Variants in ACOX3 observed in about 807,000 individuals in gnomAD.
ACOX3 encodes the protein peroxisomal acyl-coenzyme A oxidase 3.
ACOX3 carries 73 observed loss-of-function variants against 81.5 expected under a neutral mutation model. The ratio of observed to expected loss-of-function variants is 0.90; its 90% CI spans 0.74 to 1.09. ACOX3 has a LOEUF of 1.09. Ranked by LOEUF, ACOX3 falls within the 50% of genes least tolerant of loss-of-function variation. ACOX3 has a pLI of 0.00. For missense variants in ACOX3, 947 were observed against 928.0 expected, an observed-to-expected ratio of 1.02 and a Z score of -0.27; for synonymous variants, 387 against 375.1, an observed-to-expected ratio of 1.03 and a Z score of -0.37.
intron 6 of ACOX3, among the ~76,000 whole-genome samples, chr4:8,408,891 T>TGGGGGGGGGGGGGGGGG (rs200811549): frequency 1.2e-4 from 3 of 25,790 alleles, no homozygotes; most frequent in Non-Finnish European, 1.2e-4. Context: ...GAGCCCTCAC[T>TGGGGGGGGGGGGGGGGG]GGGGGGGGGG....
intron 9 of ACOX3, among the ~76,000 whole-genome samples, chr4:8,396,161 C>A (rs907228912): frequency 6.6e-5 from 10 of 152,210 alleles, no homozygotes; most frequent in Non-Finnish European, 1.3e-4. Context: ...AGGGCCAACG[C>A]TCTGTGCCCA....
At position 8,372,214 on chromosome 4, in the gene ACOX3, C is replaced by G. The variant is rs370641581; in HGVS notation, c.1897-1220G>C. On this transcript the variant is annotated intron_variant, in intron 16 of 17. Coordinates refer to ENST00000356406, the MANE Select transcript of ACOX3 (RefSeq NM_003501.3). The stretch of plus-strand genomic sequence containing the variant: ...CTGGGCTCAAGCCACCCTACCTCAG[C>G]CTCTTGAGCAGCTGGGACTACAGGC... 2.4e-4 allele frequency among the ~76,000 whole-genome samples: 36 copies of G among 152,330 alleles called. No homozygotes were observed. In the South Asian group the frequency reaches 3.9e-3, roughly 17 times the overall value.
intron 1 of ACOX3, among the ~76,000 whole-genome samples, chr4:8,429,456 T>C (rs936067391): frequency 1.3e-5 from 2 of 152,202 alleles, no homozygotes; most frequent in African/African-American, 4.8e-5. Context: ...TACAAGGTGA[T>C]AGACGCGGGG....
At position 8,416,423 on chromosome 4, in the gene ACOX3, C is replaced by T; in HGVS notation, c.99G>A (p.Lys33=). 1 of 1,614,224 alleles carries T rather than the reference C, an allele frequency of 6.2e-7. No individual in the cohort carries two copies. The highest frequency in any genetic ancestry group is 8.5e-7 in the Non-Finnish European group (1 of 1,180,040). Residue 33 remains lysine (K), a synonymous_variant, in exon 2 of 18, where the codon AAG becomes AAA. Transcript: ENST00000356406. This position sits in a 1 kb window ranked among gnomAD's most constrained non-coding sequence, Gnocchi z 4.2. ...AYRARASFSW[K]ELALFTEGEG... The stretch of plus-strand genomic sequence containing the variant: ...CCCCTTCCGTGAACAGCGCCAGCTC[C>T]TTCCAGCTGAAGGACGCTCTTGCTC...
At chr4:8,383,517 C>G (rs927807951) in intron 13 of ACOX3, among the ~76,000 whole-genome samples, 2 of 152,158 alleles carry the variant, frequency 1.3e-5, no homozygotes, top group Non-Finnish European at 1.5e-5. Context: ...CATGATGCAC[C>G]CACAGCCAAG....
intron 14 of ACOX3, among the ~76,000 whole-genome samples, chr4:8,380,466 G>C (rs1717499977): frequency 6.6e-6 from 1 of 152,170 alleles, no homozygotes; most frequent in Non-Finnish European, 1.5e-5. Flanking sequence ...TGGGATTACA[G>C]GTGTGAGCCA....
Position 8,400,675 on chromosome 4 carries a change from A to C in ACOX3, c.777-1023T>G, listed in dbSNP as rs1002660431. On this transcript the variant is annotated intron_variant, in intron 7 of 17. Coordinates refer to ENST00000356406, the MANE Select transcript of ACOX3 (RefSeq NM_003501.3). This position sits in a 1 kb window ranked among gnomAD's most constrained non-coding sequence, Gnocchi z 4.4. Reference sequence around the variant, plus strand: ...TAAGAATATTACATAAACTGTGCAAAAACCCCCCAAAACAAACTTCAAAAT... The same window carrying C: ...TAAGAATATTACATAAACTGTGCAACAACCCCCCAAAACAAACTTCAAAAT... 5.3e-5 allele frequency among the ~76,000 whole-genome samples: 8 copies of C among 152,152 alleles called. No individual in the cohort carries two copies. The highest frequency in any genetic ancestry group is 1.9e-4 in the African/African-American group (8 of 41,428).
At chr4:8,376,050 C>T (rs1317701254) in intron 14 of ACOX3, among the ~76,000 whole-genome samples, 1 of 152,124 alleles carries the variant, frequency 6.6e-6, no homozygotes, top group Non-Finnish European at 1.5e-5. Flanking sequence ...ATCACTGGGT[C>T]AAGGGGAAGG....
intron 7 of ACOX3, among the ~76,000 whole-genome samples, chr4:8,403,554 C>T (rs1326678005): frequency 6.6e-6 from 1 of 152,212 alleles, no homozygotes; most frequent in Non-Finnish European, 1.5e-5. Flanking sequence ...GCTCTGGGGG[C>T]TCAGTGACCT....
chr4:8,382,996 A>AAG lies in ACOX3; in HGVS notation c.1538-1390_1538-1389insCT, dbSNP rs1717879030. Among the ~76,000 whole-genome samples the AAG allele has an allele frequency of 6.7e-6, 1 of 150,296 alleles. No individual in the cohort carries two copies. Among genetic ancestry groups the AAG allele is most frequent in the East Asian group, 1.9e-4 (1 of 5,166 alleles). Reference sequence around the variant, plus strand: ...ACAGAGCGAGACTCCGTCTCAAAAAAAAAAAAAAAAGAAAAGAAAATACCC... The same window carrying AAG: ...ACAGAGCGAGACTCCGTCTCAAAAAAAGAAAAAAAAAAGAAAAGAAAATACCC... On this transcript the variant is annotated intron_variant, in intron 13 of 17. Transcript: ENST00000356406. The surrounding 1 kb of genome is among the most constrained non-coding windows in gnomAD (Gnocchi z 4.1).
At chr4:8,426,967 G>A (rs760157113) in intron 1 of ACOX3, among the ~76,000 whole-genome samples, 11 of 152,218 alleles carry the variant, frequency 7.2e-5, no homozygotes, top group Admixed American at 1.3e-4. Context: ...CAGTTACAGC[G>A]GTCATCGGCC....
intron 13 of ACOX3, among the ~76,000 whole-genome samples, chr4:8,383,433 T>C (rs1717939030): frequency 6.6e-6 from 1 of 152,210 alleles, no homozygotes; most frequent in Non-Finnish European, 1.5e-5. Context: ...TGGACTAGGA[T>C]GGATTCTAAA....
intron 5 of ACOX3, among the ~76,000 whole-genome samples, chr4:8,410,853 A>T (rs1281480239): frequency 3.3e-5 from 5 of 152,256 alleles, no homozygotes; most frequent in Admixed American, 1.3e-4. Flanking sequence ...AAATGCCCCG[A>T]GCACAAGGCA....
chr4:8,390,119 A>AC (rs1718807789), intron 11 of ACOX3, among the ~76,000 whole-genome samples: 1 of 151,228 alleles, frequency 6.6e-6, no homozygotes, highest in Admixed American at 6.6e-5. Flanking sequence ...AACAACAACA[A>AC]AAAAAGCCAT....
chr4:8,374,002 A>G (rs909319809), intron 15 of ACOX3: 32 of 216,914 alleles, frequency 1.5e-4, no homozygotes, highest in African/African-American at 7.6e-4. Flanking sequence ...GCAGGGGTGC[A>G]TGGCAGGGGG....
Position 8,384,774 on chromosome 4 carries a change from GGCAAGCCCTGGAAA to G in ACOX3, c.1538-3181_1538-3168del, listed in dbSNP as rs1718103477. 1.3e-5 allele frequency among the ~76,000 whole-genome samples: 2 copies of G among 152,304 alleles called. No individual in the cohort carries two copies. The highest frequency in any genetic ancestry group is 4.8e-5 in the African/African-American group (2 of 41,570). On this transcript the variant is annotated intron_variant, in intron 13 of 17. Transcript: ENST00000356406. This position sits in a 1 kb window ranked among gnomAD's most constrained non-coding sequence, Gnocchi z 5.3. ...CACTCCTAACTCGGATTCTGACCCAGGCAAGCCCTGGAAAGCAAGGCCTGGACAGCGGCCCCAAC... is the reference window on the plus strand; with the variant it reads ...CACTCCTAACTCGGATTCTGACCCAGGCAAGGCCTGGACAGCGGCCCCAAC...
rs1398072562 is a variant in ACOX3, at chr4:8,389,540, G to A, written c.1423+72C>T. The A allele has an allele frequency of 6.2e-7, 1 of 1,602,418 alleles. No homozygotes were observed. The highest frequency in any genetic ancestry group is 2.2e-5 in the East Asian group (1 of 44,730). On this transcript the variant is annotated intron_variant, in intron 12 of 17. Transcript: ENST00000356406. The surrounding 1 kb of genome is among the most constrained non-coding windows in gnomAD (Gnocchi z 5.3). ...ATGCATTCACAGAACAGCTGAATCA[G>A]TGAGGCCAGGAGAACCCACCCCTGC... is the stretch of plus-strand genomic sequence containing the variant.
At chr4:8,359,358 G>A in the ACOX3 span, among the ~76,000 whole-genome samples, 1 of 152,064 alleles carries the variant, frequency 6.6e-6, no homozygotes, top group African/African-American at 2.4e-5. The surrounding 1 kb of genome is among the most constrained non-coding windows in gnomAD (Gnocchi z 6.0). Flanking sequence ...GTGGGTTAGA[G>A]GCCCCTCTTA....
In ACOX3 at chr4:8,370,444, G is replaced by A. The variant is rs566172288; in HGVS notation, c.1983+464C>T. ...CACAGGGAGGCGGTTGGGGGAAAGC[G>A]GGGCAGGGGAGAGTAACCCCGGTGA... On this transcript the variant is annotated intron_variant, in intron 17 of 17. Transcript: ENST00000356406. This position sits in a 1 kb window ranked among gnomAD's most constrained non-coding sequence, Gnocchi z 6.3. 5.3e-5 allele frequency among the ~76,000 whole-genome samples: 8 copies of A among 152,208 alleles called. 1 individual carries two copies. The highest frequency in any genetic ancestry group is 1.2e-4 in the African/African-American group (5 of 41,538).
Sources: allele counts gnomAD v4.1 joint callset (sites outside exome capture counted in the v4.1 genomes callset), GRCh38; gene constraint gnomAD v4.1.1; non-coding constraint Gnocchi (gnomAD v3.1); transcripts MANE v1.5; gene names NCBI Gene and HGNC (gene_info 2026-07-23, HGNC 2026-07-21).